The following PPP1R12A variants were observed in gnomAD, a reference collection of about 807,000 sequenced individuals.
The protein encoded by PPP1R12A is myosin binding subunit.
Under a neutral mutation model 139.6 loss-of-function variants are expected in PPP1R12A, and 19 were observed. The ratio of observed to expected loss-of-function variants is 0.14; its 90% CI spans 0.09 to 0.20. The LOEUF (loss-of-function observed/expected upper bound fraction) is 0.20, where lower values mean the gene tolerates loss of function less well. Ranked by LOEUF, PPP1R12A falls within the 10% of genes least tolerant of loss-of-function variation. The pLI, the probability that PPP1R12A is intolerant of heterozygous loss-of-function variation, is 1.00. For missense variants in PPP1R12A, 925 were observed against 1,211.5 expected, an observed-to-expected ratio of 0.76 and a Z score of 3.51; for synonymous variants, 427 against 420.6, an observed-to-expected ratio of 1.02 and a Z score of -0.19.
intron 2 of PPP1R12A, among the ~76,000 whole-genome samples, chr12:79,869,035 T>C (rs541754392): frequency 1.3e-5 from 2 of 152,314 alleles, no homozygotes; most frequent in South Asian, 4.1e-4. Context: ...CTCCACAAAC[T>C]CACTTCATTT....
At chr12:79,811,896 TC>T (rs530460698) in intron 9 of PPP1R12A, among the ~76,000 whole-genome samples, 123 of 152,224 alleles carry the variant, frequency 8.1e-4, no homozygotes, top group African/African-American at 2.9e-3. Flanking sequence ...AAACGTTTTT[TC>T]CCCCATTATA....
intron 14 of PPP1R12A, 149 bp downstream of exon 14, chr12:79,805,443 A>C (rs563911919): frequency 6.7e-5 from 40 of 598,768 alleles, no homozygotes; most frequent in African/African-American, 6.5e-4. Context: ...TAGTTGTATA[A>C]ATTTACATAG....
intron 2 of PPP1R12A, among the ~76,000 whole-genome samples, chr12:79,852,916 G>A (rs1880227207): frequency 6.6e-6 from 1 of 152,224 alleles, no homozygotes; most frequent in African/African-American, 2.4e-5. Flanking sequence ...GGGAAGGACA[G>A]AAGCTCCTCT....
chr12:79,784,859 G>C (rs780285519), intron 22 of PPP1R12A, among the ~76,000 whole-genome samples: 11 of 152,014 alleles, frequency 7.2e-5, no homozygotes, highest in Non-Finnish European at 1.3e-4. Flanking sequence ...GGCTGGTCTC[G>C]AGCTCGTGAC....
intron 12 of PPP1R12A, 77 bp from the exon 13 acceptor site, chr12:79,806,410 T>C: frequency 7.5e-7 from 1 of 1,334,796 alleles, no homozygotes. Flanking sequence ...ATTATATAAA[T>C]TACAAGGCTA....
chr12:79,931,696 A>C (rs1421511392), intron 1 of PPP1R12A, among the ~76,000 whole-genome samples: 1 of 152,174 alleles, frequency 6.6e-6, no homozygotes, highest in African/African-American at 2.4e-5. Flanking sequence ...CATTGGTAAT[A>C]ATGAAATTCT....
chr12:79,840,032 G>C (rs986425322), intron 3 of PPP1R12A, among the ~76,000 whole-genome samples: 1 of 151,772 alleles, frequency 6.6e-6, no homozygotes, highest in African/African-American at 2.4e-5. Flanking sequence ...TGAACATCAT[G>C]AAGTATTTTC....
At chr12:79,833,000 T>C (rs1303542891) in intron 3 of PPP1R12A, among the ~76,000 whole-genome samples, 1 of 152,202 alleles carries the variant, frequency 6.6e-6, no homozygotes, top group Non-Finnish European at 1.5e-5. Context: ...TTTTCCAACA[T>C]AGTACACATT....
At chr12:79,776,165 A>G (rs1214139050) in intron 24 of PPP1R12A, 150 bp from the exon 25 acceptor site, 1 of 480,940 alleles carries the variant, frequency 2.1e-6, no homozygotes, top group South Asian at 5.2e-5. Flanking sequence ...TGTATCAGGA[A>G]GAAGGAAAAA....
chr12:79,927,492 GA>G (rs935330725), intron 1 of PPP1R12A, among the ~76,000 whole-genome samples: 69 of 152,104 alleles, frequency 4.5e-4, no homozygotes, highest in African/African-American at 1.6e-3. Flanking sequence ...TGTGGATGAA[GA>G]AAAAAATTAT....
chr12:79,910,461 C>T (rs1170023331), intron 1 of PPP1R12A, among the ~76,000 whole-genome samples: 2 of 120,780 alleles, frequency 1.7e-5, no homozygotes, highest in Non-Finnish European at 3.4e-5. Flanking sequence ...CAACAGAGCA[C>T]GACTCCGTCA....
At chr12:79,859,470 G>A (rs979435573) in intron 2 of PPP1R12A, among the ~76,000 whole-genome samples, 1 of 151,974 alleles carries the variant, frequency 6.6e-6, no homozygotes, top group African/African-American at 2.4e-5. Flanking sequence ...GATTCTGTTG[G>A]ATGTTTATAA....
intron 24 of PPP1R12A, 41 bp downstream of exon 24, chr12:79,778,509 A>T: frequency 7.5e-7 from 1 of 1,338,314 alleles, no homozygotes. Context: ...ACATTAATAC[A>T]TAAACAGCAC....
chr12:79,786,577 A>T, intron 21 of PPP1R12A, 99 bp from the exon 22 acceptor site: 3 of 703,742 alleles, frequency 4.3e-6, no homozygotes, highest in Non-Finnish European at 6.8e-6. Context: ...AGCTTAATGT[A>T]GCATATGAGC....
At chr12:79,789,805 G>C (rs1337003664) in intron 20 of PPP1R12A, 1 of 374,268 alleles carries the variant, frequency 2.7e-6, no homozygotes, top group African/African-American at 2.2e-5. Context: ...TAAAGACACA[G>C]GGTCTCACTG....
rs1872444051 is a variant in PPP1R12A, at chr12:79,795,833, A to G, written c.2462-74T>C. 14 of 1,440,124 alleles carry G rather than the reference A, an allele frequency of 9.7e-6. No homozygotes were observed. The Admixed American group carries it at 1.9e-4, about 20-fold the overall frequency. The allele number at this position is 1,440,124 out of a possible 1,614,324, so 89.2% of individuals were successfully genotyped here. A position where few individuals can be genotyped will look rare whatever the true frequency, so the allele number is the denominator to read the frequency against. On this transcript the variant is annotated intron_variant, in intron 17 of 24. Coordinates refer to ENST00000450142, the MANE Select transcript of PPP1R12A (RefSeq NM_002480.3). Reference sequence around the variant, plus strand: ...ATTTTGCAAGGTAATTGTAAAAACAATGGGTAAAATGGGCCAGGGGACTAT... The same window carrying G: ...ATTTTGCAAGGTAATTGTAAAAACAGTGGGTAAAATGGGCCAGGGGACTAT...
chr12:79,794,696 A>C (rs1872290434), intron 18 of PPP1R12A, among the ~76,000 whole-genome samples: 1 of 152,126 alleles, frequency 6.6e-6, no homozygotes, highest in African/African-American at 2.4e-5. Flanking sequence ...AGAGATAAAG[A>C]GGAACATATA....
intron 16 of PPP1R12A, 104 bp from the exon 17 acceptor site, chr12:79,797,054 G>T: frequency 7.2e-7 from 1 of 1,379,790 alleles, no homozygotes; most frequent in Non-Finnish European, 9.9e-7. Context: ...TACTAATCAC[G>T]CCAAAGTAAT....
At chr12:79,834,691 A>C (rs2137164367) in intron 3 of PPP1R12A, among the ~76,000 whole-genome samples, 1 of 152,370 alleles carries the variant, frequency 6.6e-6, no homozygotes, top group East Asian at 1.9e-4. Context: ...AGAGATATCA[A>C]GTAATCAGTT....
Sources: gnomAD v4.1 joint callset for allele counts (sites outside exome capture counted in the v4.1 genomes callset) on GRCh38, gnomAD v4.1.1 for gene constraint, MANE v1.5 for transcripts, NCBI Gene and HGNC (gene_info 2026-07-23, HGNC 2026-07-21) for gene names.